HIP1: variants seen among roughly 807,000 people sequenced by gnomAD.
The protein encoded by HIP1 is huntingtin interacting protein 1, also known as huntingtin-interacting protein 1.
Under a neutral mutation model 147.6 loss-of-function variants are expected in HIP1, and 65 were observed. The observed-to-expected ratio is 0.44, with a 90% CI of 0.36 to 0.54. The LOEUF (loss-of-function observed/expected upper bound fraction) is 0.54. HIP1 is among the 20% of genes least tolerant of loss of function. The pLI is 0.00. For synonymous variants in HIP1, 479 were observed against 504.0 expected (o/e 0.95, Z 0.67); for missense variants, 1,061 against 1,299.6 (o/e 0.82, Z 2.82).
At chr7:75,622,401 C>T (rs1354931502) in intron 1 of HIP1, among the ~76,000 whole-genome samples, 2 of 152,036 alleles carry the variant, frequency 1.3e-5, no homozygotes, top group African/African-American at 4.8e-5. Context: ...CCCCGACGTT[C>T]AGGAGAGACA....
Position 75,544,965 on chromosome 7 carries a change from T to G in HIP1, c.2660+123A>C. The G allele has an allele frequency of 3.9e-6, 3 of 770,038 alleles. 1 individual carries two copies. In the South Asian group the frequency reaches 5.0e-5, roughly 13 times the overall value. 47.7% of individuals were successfully genotyped at this position (770,038 alleles called of 1,614,324 possible). A position where few individuals can be genotyped will look rare whatever the true frequency, so the allele number is the denominator to read the frequency against. On this transcript the variant is annotated intron_variant, in intron 26 of 30. Transcript: ENST00000336926. ...GGCTCCCTTGTAAACTCGGTCCTAT[T>G]GACTTCCTGATCAATAGTTTATTTC...
chr7:75,662,150 GA>G (rs1163183279), intron 1 of HIP1, among the ~76,000 whole-genome samples: 4 of 151,812 alleles, frequency 2.6e-5, no homozygotes, highest in Non-Finnish European at 5.9e-5. Context: ...AGATGATGAG[GA>G]GGCTCACACT....
At chr7:75,539,256 G>A in intron 30 of HIP1, 67 bp downstream of exon 30, 1 of 1,132,178 alleles carries the variant, frequency 8.8e-7, no homozygotes, top group African/African-American at 1.5e-5. Context: ...CATTCTAGGG[G>A]AAGGCCCTGG....
chr7:75,551,782 C>G (rs1794793696), intron 22 of HIP1, among the ~76,000 whole-genome samples: 1 of 152,096 alleles, frequency 6.6e-6, no homozygotes, highest in Admixed American at 6.6e-5. Context: ...GTTGCCCAGG[C>G]TGGTCTCAAA....
rs587601847 is a variant in HIP1, at chr7:75,567,177, T to G, written c.803+1022A>C. ...GAGAGAAAGGTTTTTTTTTGTTTTT[T>G]TTTTTTGAGAAAACCTAAAGTACAG... On this transcript the variant is annotated intron_variant, in intron 9 of 30. Coordinates refer to ENST00000336926, the MANE Select transcript of HIP1 (RefSeq NM_005338.7). 4.6e-4 allele frequency among the ~76,000 whole-genome samples: 69 copies of G among 151,054 alleles called. 4 individuals are homozygous for G. Among genetic ancestry groups the G allele is most frequent in the African/African-American group, 1.6e-3 (64 of 40,636 alleles).
At chr7:75,644,036 T>G (rs1798728556) in intron 1 of HIP1, among the ~76,000 whole-genome samples, 1 of 151,876 alleles carries the variant, frequency 6.6e-6, no homozygotes, top group Admixed American at 6.6e-5. Flanking sequence ...AAAACAGAAA[T>G]AAGAAAGTAT....
At chr7:75,567,496 T>C (rs1200452771) in intron 9 of HIP1, among the ~76,000 whole-genome samples, 1 of 151,480 alleles carries the variant, frequency 6.6e-6, no homozygotes, top group East Asian at 1.9e-4. Flanking sequence ...TGTCACTTTA[T>C]CACCTTAGAA....
chr7:75,607,451 A>T (rs1268087524), intron 1 of HIP1, among the ~76,000 whole-genome samples: 2 of 150,472 alleles, frequency 1.3e-5, no homozygotes, highest in Non-Finnish European at 1.5e-5. Context: ...CTGGTCTTGA[A>T]TTCCTGACCT....
chr7:75,651,152 G>A (rs1798967198), intron 1 of HIP1, among the ~76,000 whole-genome samples: 1 of 151,922 alleles, frequency 6.6e-6, no homozygotes, highest in African/African-American at 2.4e-5. Flanking sequence ...CATGAAAACG[G>A]GGGAGGGTGA....
intron 4 of HIP1, among the ~76,000 whole-genome samples, chr7:75,588,351 G>C (rs1162511672): frequency 6.6e-6 from 1 of 152,158 alleles, no homozygotes; most frequent in Non-Finnish European, 1.5e-5. Flanking sequence ...CACCAAAAGG[G>C]ACGGAGGACA....
intron 1 of HIP1, among the ~76,000 whole-genome samples, chr7:75,677,170 G>A (rs868964714): frequency 1.3e-5 from 2 of 151,784 alleles, no homozygotes; most frequent in African/African-American, 2.4e-5. Context: ...ACTCCAGTCT[G>A]GGGGACAAGA....
chr7:75,589,410 C>T (rs782033061), intron 4 of HIP1, among the ~76,000 whole-genome samples: 8 of 151,794 alleles, frequency 5.3e-5, no homozygotes, highest in African/African-American at 7.3e-5. Flanking sequence ...AGGGGCTGGG[C>T]GCGATGGCTG....
intron 1 of HIP1, 140 bp downstream of exon 1, chr7:75,738,661 G>A: frequency 9.2e-7 from 1 of 1,089,536 alleles, no homozygotes. Context: ...GCCCAGATCT[G>A]CACGTCAATG....
intron 1 of HIP1, among the ~76,000 whole-genome samples, chr7:75,668,828 C>T (rs888816212): frequency 6.6e-6 from 1 of 152,188 alleles, no homozygotes; most frequent in Non-Finnish European, 1.5e-5. Flanking sequence ...CCATAGAATT[C>T]ACCATTTTTA....
intron 1 of HIP1, among the ~76,000 whole-genome samples, chr7:75,618,052 TG>T (rs1468624562): frequency 6.6e-6 from 1 of 152,138 alleles, no homozygotes; most frequent in Non-Finnish European, 1.5e-5. Flanking sequence ...TCAGCAAGAG[TG>T]GGAAACCCTG....
chr7:75,652,212 G>A (rs1486508678), intron 1 of HIP1, among the ~76,000 whole-genome samples: 1 of 150,322 alleles, frequency 6.7e-6, no homozygotes, highest in African/African-American at 2.5e-5. Flanking sequence ...AGCTACTCGG[G>A]AGGCTGAGGC....
At chr7:75,700,940 C>T (rs1050734396) in intron 1 of HIP1, among the ~76,000 whole-genome samples, 20 of 152,034 alleles carry the variant, frequency 1.3e-4, no homozygotes, top group Non-Finnish European at 2.1e-4. Context: ...CTCCTGACCT[C>T]GTGATCCGCC....
intron 1 of HIP1, among the ~76,000 whole-genome samples, chr7:75,662,085 A>C: frequency 2.5e-5 from 1 of 39,466 alleles, no homozygotes; most frequent in Non-Finnish European, 4.9e-5. Context: ...GGTGGAGGGG[A>C]GGGAGGAGGG....
At position 75,734,984 on chromosome 7, in the gene HIP1, T is replaced by G. The variant is rs548756201; in HGVS notation, c.120+3817A>C. On this transcript the variant is annotated intron_variant, in intron 1 of 30. Coordinates refer to ENST00000336926, the MANE Select transcript of HIP1 (RefSeq NM_005338.7). ...AAGGAAGAGTTAATCACAGCCTGCT[T>G]GATTGCTCACACTTCTGCTGTCTCG... Among the ~76,000 whole-genome samples the G allele has an allele frequency of 2.0e-5, 3 of 152,312 alleles. No homozygotes were observed. The East Asian group carries it at 5.8e-4, about 29-fold the overall frequency.
Sources: gnomAD v4.1 joint callset for allele counts (sites outside exome capture counted in the v4.1 genomes callset) on GRCh38, gnomAD v4.1.1 for gene constraint, MANE v1.5 for transcripts, NCBI Gene and HGNC (gene_info 2026-07-23, HGNC 2026-07-21) for gene names.